Variants in ACTR3C observed in about 807,000 individuals in gnomAD.
The protein encoded by ACTR3C is actin-related protein 3C.
Under a neutral mutation model 26.3 loss-of-function variants are expected in ACTR3C, and 18 were observed. The observed-to-expected ratio is 0.68, with a 90% CI of 0.47 to 1.01. The LOEUF (loss-of-function observed/expected upper bound fraction) is 1.01, where lower values mean the gene tolerates loss of function less well. Ranked by LOEUF, ACTR3C falls within the 50% of genes least tolerant of loss-of-function variation. The pLI is 0.00. For missense variants in ACTR3C, 184 were observed against 250.7 expected, an observed-to-expected ratio of 0.73 and a Z score of 1.80; for synonymous variants, 55 against 94.5, an observed-to-expected ratio of 0.58 and a Z score of 2.42.
At chr7:150,033,671 C>G in the ACTR3C span, among the ~76,000 whole-genome samples, 5 of 151,436 alleles carry the variant, frequency 3.3e-5, no homozygotes, top group African/African-American at 9.7e-5. Flanking sequence ...GTCCCTGCCT[C>G]GCGGGGGGTG....
At chr7:150,300,491 C>T (rs191399490) in intron 1 of ACTR3C, among the ~76,000 whole-genome samples, 67 of 152,220 alleles carry the variant, frequency 4.4e-4, no homozygotes, top group African/African-American at 1.5e-3. Flanking sequence ...AGGAAAGAGG[C>T]GAGGGGGGCA....
the ACTR3C span, among the ~76,000 whole-genome samples, chr7:149,948,524 C>A: frequency 3.3e-5 from 5 of 150,840 alleles, no homozygotes; most frequent in South Asian, 2.1e-4. Flanking sequence ...GCCTTCCTGC[C>A]CCACCCTCTC....
chr7:150,161,443 A>C, the ACTR3C span, among the ~76,000 whole-genome samples: 2 of 151,570 alleles, frequency 1.3e-5, no homozygotes, highest in African/African-American at 4.9e-5. Flanking sequence ...CAATTACCAC[A>C]TATGAGTGAG....
intron 1 of ACTR3C, among the ~76,000 whole-genome samples, chr7:150,314,241 G>A (rs1234794456): frequency 6.6e-6 from 1 of 152,216 alleles, no homozygotes; most frequent in Non-Finnish European, 1.5e-5. Context: ...GACCAGTTTT[G>A]TAGAACAGTT....
intron 1 of ACTR3C, among the ~76,000 whole-genome samples, chr7:150,297,580 G>A (rs1304695836): frequency 3.3e-5 from 5 of 152,342 alleles, no homozygotes; most frequent in Middle Eastern, 3.4e-3. Flanking sequence ...GGCCGGGCAC[G>A]GTGGCTCATG....
intron 6 of ACTR3C, among the ~76,000 whole-genome samples, chr7:150,249,801 G>T (rs1832707959): frequency 1.3e-5 from 2 of 152,310 alleles, no homozygotes; most frequent in Middle Eastern, 3.4e-3. Flanking sequence ...TGAAGCAAAA[G>T]TTACTATGCC....
At chr7:150,169,786 TGA>T in the ACTR3C span, among the ~76,000 whole-genome samples, 2 of 150,934 alleles carry the variant, frequency 1.3e-5, no homozygotes, top group African/African-American at 5.0e-5. Context: ...TAGTCCAGTC[TGA>T]GTCAGAACTT....
intron 6 of ACTR3C, among the ~76,000 whole-genome samples, chr7:150,262,764 T>C (rs2129610163): frequency 6.6e-6 from 1 of 152,322 alleles, no homozygotes; most frequent in African/African-American, 2.4e-5. Flanking sequence ...AATGGAAAAC[T>C]GGAGAGCAAT....
At chr7:149,967,281 C>T in the ACTR3C span, among the ~76,000 whole-genome samples, 9 of 151,848 alleles carry the variant, frequency 5.9e-5, no homozygotes, top group South Asian at 4.2e-4. Flanking sequence ...GTGATCCACC[C>T]GCCTCAGCCT....
chr7:150,039,818 G>A, the ACTR3C span, among the ~76,000 whole-genome samples: 744 of 130,580 alleles, frequency 5.7e-3, no homozygotes, highest in African/African-American at 0.016. Flanking sequence ...TGCCTCGCGG[G>A]GGGTGCCTCC....
At chr7:150,235,908 G>C in the ACTR3C span, among the ~76,000 whole-genome samples, 25,176 of 150,164 alleles carry the variant, frequency 0.17, 4,514 homozygotes, top group African/African-American at 0.45. Context: ...TTTAAGTTCG[G>C]TGCTTTTACT....
chr7:149,996,287 T>G, the ACTR3C span, among the ~76,000 whole-genome samples: 1 of 150,374 alleles, frequency 6.7e-6, no homozygotes, highest in South Asian at 2.1e-4. Context: ...CAACAATAGG[T>G]CTGGGAGACG....
the ACTR3C span, among the ~76,000 whole-genome samples, chr7:149,938,713 A>G: frequency 1.3e-5 from 2 of 152,052 alleles, no homozygotes; most frequent in Non-Finnish European, 2.9e-5. Context: ...CTCTAAATTA[A>G]TAGTCTTTGT....
chr7:149,975,857 C>T, the ACTR3C span, among the ~76,000 whole-genome samples: 3 of 152,138 alleles, frequency 2.0e-5, no homozygotes, highest in Non-Finnish European at 2.9e-5. Context: ...GAAACCAGCC[C>T]CAGGATTCAA....
the ACTR3C span, among the ~76,000 whole-genome samples, chr7:150,179,691 A>C: frequency 6.6e-6 from 1 of 151,496 alleles, no homozygotes; most frequent in Admixed American, 6.5e-5. Context: ...GGGTCTCGCT[A>C]TGTTGCCCAG....
chr7:150,281,530 C>T (rs1230784444), intron 6 of ACTR3C, among the ~76,000 whole-genome samples: 4 of 151,308 alleles, frequency 2.6e-5, no homozygotes, highest in East Asian at 3.9e-4. Flanking sequence ...GGAGGGCTGA[C>T]GGCTTCCAGA....
At chr7:150,098,673 C>T in the ACTR3C span, among the ~76,000 whole-genome samples, 6 of 151,896 alleles carry the variant, frequency 4.0e-5, no homozygotes, top group South Asian at 4.1e-4. Flanking sequence ...AGTTCAAATA[C>T]GTAAATGGTA....
At chr7:150,190,989 C>T in the ACTR3C span, among the ~76,000 whole-genome samples, 4 of 152,162 alleles carry the variant, frequency 2.6e-5, no homozygotes, top group Non-Finnish European at 1.5e-5. Context: ...CCCCATGATT[C>T]AATTACCTCC....
chr7:149,991,188 T>C, the ACTR3C span, among the ~76,000 whole-genome samples: 2 of 152,114 alleles, frequency 1.3e-5, no homozygotes, highest in African/African-American at 4.8e-5. Flanking sequence ...CATCAGCTCT[T>C]GTAAGCCCTA....
Sources: allele counts gnomAD v4.1 joint callset (sites outside exome capture counted in the v4.1 genomes callset), GRCh38; gene constraint gnomAD v4.1.1; transcripts MANE v1.5; gene names NCBI Gene and HGNC (gene_info 2026-07-23, HGNC 2026-07-21).